TRIM9: variants seen among roughly 807,000 people sequenced by gnomAD.
TRIM9 encodes E3 ubiquitin-protein ligase TRIM9.
A neutral mutation model predicts 78.3 loss-of-function variants in TRIM9; 26 were observed. The observed-to-expected ratio is 0.33, with a 90% CI of 0.24 to 0.46. The LOEUF is 0.46. Ranked by LOEUF, TRIM9 falls within the 20% of genes least tolerant of loss-of-function variation. TRIM9 has a pLI of 1.00. For missense variants in TRIM9, 787 were observed against 1,036.4 expected, an observed-to-expected ratio of 0.76 and a Z score of 3.30; for synonymous variants, 398 against 416.5, an observed-to-expected ratio of 0.96 and a Z score of 0.54.
At chr14:51,001,864 T>C (rs940539563) in intron 5 of TRIM9, among the ~76,000 whole-genome samples, 18 of 152,174 alleles carry the variant, frequency 1.2e-4, no homozygotes, top group African/African-American at 4.3e-4. Context: ...ACTGTGAGCC[T>C]GGTGCGTGGA....
intron 1 of TRIM9, among the ~76,000 whole-genome samples, chr14:51,072,251 CT>C (rs2062352265): frequency 6.6e-6 from 1 of 151,772 alleles, no homozygotes; most frequent in Non-Finnish European, 1.5e-5. Context: ...AGTCTTAATA[CT>C]TTATCTTATT....
At chr14:51,029,284 G>C (rs146553328) in intron 1 of TRIM9, among the ~76,000 whole-genome samples, 2 of 152,176 alleles carry the variant, frequency 1.3e-5, no homozygotes, top group Non-Finnish European at 2.9e-5. Context: ...ACAAAACAGA[G>C]GAGGCGGCAA....
intron 12 of TRIM9, chr14:50,979,133 C>A: frequency 2.1e-6 from 3 of 1,398,602 alleles, no homozygotes; most frequent in Non-Finnish European, 2.8e-6. Context: ...TGATCATTAG[C>A]CAACCATGAA....
In TRIM9 at chr14:51,003,576, C is replaced by A. The variant is rs1959532; in HGVS notation, c.1307-2736G>T. Among the ~76,000 whole-genome samples, 156 of 152,044 alleles carry A rather than the reference C, an allele frequency of 1.0e-3. 2 individuals are homozygous for A. Among genetic ancestry groups the A allele is most frequent in the African/African-American group, 3.4e-3 (142 of 41,498 alleles). On this transcript the variant is annotated intron_variant, in intron 5 of 12. Transcript: ENST00000684578. Reference sequence around the variant, plus strand: ...AAAAAGTAACTGAAATACATGATGTCATGTGTAATTAAAACATCAGAACTT... The same window carrying A: ...AAAAAGTAACTGAAATACATGATGTAATGTGTAATTAAAACATCAGAACTT...
chr14:51,091,550 A>G (rs962710631), intron 1 of TRIM9, among the ~76,000 whole-genome samples: 4 of 152,206 alleles, frequency 2.6e-5, no homozygotes, highest in African/African-American at 9.6e-5. Flanking sequence ...AACATAAACT[A>G]TATGAGAAAA....
Position 51,052,454 on chromosome 14 carries a change from C to T in TRIM9, c.823-27094G>A, listed in dbSNP as rs116660550. Among the ~76,000 whole-genome samples, 1,201 of 152,272 alleles carry T rather than the reference C, an allele frequency of 7.9e-3. 27 individuals are homozygous for T. The highest frequency in any genetic ancestry group is 0.027 in the African/African-American group (1,136 of 41,542). On this transcript the variant is annotated intron_variant, in intron 1 of 12. Coordinates refer to ENST00000684578, the MANE Select transcript of TRIM9 (RefSeq NM_001387360.1). The stretch of plus-strand genomic sequence containing the variant: ...ATTTGATTATCAACAACCCCAGCCC[C>T]TGGAGTTATTTATTTTTGGCTGTTG...
chr14:51,075,608 T>C (rs1211641590), intron 1 of TRIM9, among the ~76,000 whole-genome samples: 1 of 152,236 alleles, frequency 6.6e-6, no homozygotes, highest in East Asian at 1.9e-4. Flanking sequence ...CATTTTTTCC[T>C]GATTTTTCCT....
intron 1 of TRIM9, among the ~76,000 whole-genome samples, chr14:51,061,793 G>C (rs570793930): frequency 6.6e-6 from 1 of 152,122 alleles, no homozygotes; most frequent in African/African-American, 2.4e-5. Context: ...TCCTACTCAG[G>C]GTTCTGTAAG....
chr14:51,048,542 C>A (rs2060132749), intron 1 of TRIM9, among the ~76,000 whole-genome samples: 2 of 152,160 alleles, frequency 1.3e-5, no homozygotes, highest in Non-Finnish European at 2.9e-5. Context: ...CCAATATGAC[C>A]CAGACTCTGC....
chr14:51,057,096 T>C (rs1004434790), intron 1 of TRIM9, among the ~76,000 whole-genome samples: 2 of 152,244 alleles, frequency 1.3e-5, no homozygotes, highest in African/African-American at 4.8e-5. Flanking sequence ...TCAGACATTA[T>C]ATCTGCATGG....
intron 1 of TRIM9, among the ~76,000 whole-genome samples, chr14:51,048,577 C>T (rs941164098): frequency 2.6e-4 from 14 of 53,426 alleles, no homozygotes; most frequent in Non-Finnish European, 3.3e-4. Context: ...GGATCCTAGG[C>T]ACATAAACAA....
chr14:50,986,590 C>T (rs1380855820), intron 7 of TRIM9: 4 of 152,562 alleles, frequency 2.6e-5, no homozygotes, highest in African/African-American at 9.6e-5. Context: ...TTTTTACAAA[C>T]TGTTTCCTAT....
At chr14:51,073,317 G>C (rs1196121448) in intron 1 of TRIM9, among the ~76,000 whole-genome samples, 1 of 152,106 alleles carries the variant, frequency 6.6e-6, no homozygotes, top group African/African-American at 2.4e-5. Flanking sequence ...CAACAGAAAT[G>C]CTTACATTTA....
At chr14:50,998,338 C>G (rs2054498650) in intron 6 of TRIM9, 150 bp from the exon 7 acceptor site, 2 of 696,582 alleles carry the variant, frequency 2.9e-6, no homozygotes, top group East Asian at 2.6e-5. Context: ...TTTAATTTAC[C>G]TTTTTAGCCT....
At chr14:51,034,244 A>G (rs1321178772) in intron 1 of TRIM9, among the ~76,000 whole-genome samples, 1 of 152,188 alleles carries the variant, frequency 6.6e-6, no homozygotes, top group East Asian at 1.9e-4. Flanking sequence ...TTTGTTTAAC[A>G]CACACTTAGA....
In TRIM9 at chr14:50,981,813, A is replaced by G; in HGVS notation, c.2149T>C (p.Ser717Pro). The G allele has an allele frequency of 6.2e-7, 1 of 1,614,130 alleles. No individual in the cohort carries two copies. Among genetic ancestry groups the G allele is most frequent in the Non-Finnish European group, 8.5e-7 (1 of 1,180,004 alleles). Residue 717 changes from serine (S) to proline (P), a missense_variant, in exon 11 of 13, where the codon TCG becomes CCG. By Grantham distance (74) the Ser-to-Pro change is moderately conservative. Coordinates refer to ENST00000684578, the MANE Select transcript of TRIM9 (RefSeq NM_001387360.1). ...GCTGCAGGGTACCTGTTGGTGTGCGAGTTGTTGTGCATGAACCAGCTCCGG... is the reference window on the plus strand; with the variant it reads ...GCTGCAGGGTACCTGTTGGTGTGCGGGTTGTTGTGCATGAACCAGCTCCGG... ...NNRSWFMHNN[S>P]HTNRTEGGIT...
intron 8 of TRIM9, among the ~76,000 whole-genome samples, chr14:50,984,348 G>A (rs1596095704): frequency 6.6e-6 from 1 of 152,124 alleles, no homozygotes; most frequent in East Asian, 1.9e-4. Flanking sequence ...AATTAAAAAA[G>A]CAACTTACTA....
At chr14:51,055,030 T>C (rs942949584) in intron 1 of TRIM9, among the ~76,000 whole-genome samples, 3 of 151,074 alleles carry the variant, frequency 2.0e-5, no homozygotes, top group Admixed American at 6.6e-5. Flanking sequence ...TTCACCATGT[T>C]GGCCAGGATG....
intron 2 of TRIM9, among the ~76,000 whole-genome samples, chr14:51,023,665 A>C (rs1204029265): frequency 6.6e-6 from 1 of 152,240 alleles, no homozygotes; most frequent in Non-Finnish European, 1.5e-5. Flanking sequence ...TACATGCCAT[A>C]GACATTTATT....
Sources: gnomAD v4.1 joint callset for allele counts (sites outside exome capture counted in the v4.1 genomes callset) on GRCh38, gnomAD v4.1.1 for gene constraint, MANE v1.5 for transcripts, NCBI Gene and HGNC (gene_info 2026-07-23, HGNC 2026-07-21) for gene names.